The following CTNNA3 variants were observed in gnomAD, a reference collection of about 807,000 sequenced individuals.
The protein encoded by CTNNA3 is catenin alpha-3.
Under a neutral mutation model 95.7 loss-of-function variants are expected in CTNNA3, and 76 were observed. That is an observed-to-expected ratio of 0.79 (90% CI 0.66 to 0.96). The LOEUF is 0.96. Ranked by LOEUF, CTNNA3 falls within the 40% of genes least tolerant of loss-of-function variation. The probability of loss-of-function intolerance (pLI) is 0.00; values close to 1 mark genes in which losing one functional copy is unlikely to be tolerated. For missense variants in CTNNA3, 1,191 were observed against 1,089.8 expected (o/e 1.09, Z -1.31); for synonymous variants, 431 against 374.4 (o/e 1.15, Z -1.74).
chr10:67,547,209 TC>T (rs1247844001), intron 3 of CTNNA3, among the ~76,000 whole-genome samples: 1 of 151,298 alleles, frequency 6.6e-6, no homozygotes, highest in African/African-American at 2.4e-5. Flanking sequence ...CCATAGCACC[TC>T]CCCCCCAAAA....
At chr10:66,357,367 C>T (rs2092619086) in intron 12 of CTNNA3, among the ~76,000 whole-genome samples, 1 of 151,884 alleles carries the variant, frequency 6.6e-6, no homozygotes, top group Admixed American at 6.6e-5. Context: ...ATGCGAGTCA[C>T]CCTTTAAAGT....
intron 7 of CTNNA3, among the ~76,000 whole-genome samples, chr10:66,917,040 T>C (rs1846527346): frequency 6.6e-6 from 1 of 152,162 alleles, no homozygotes; most frequent in Admixed American, 6.5e-5. Context: ...ACAGCACTTA[T>C]TACTAGTTGA....
intron 8 of CTNNA3, among the ~76,000 whole-genome samples, chr10:66,769,865 C>T (rs952099955): frequency 3.3e-5 from 5 of 152,172 alleles, no homozygotes; most frequent in Admixed American, 6.6e-5. Flanking sequence ...TTCCCTGCCT[C>T]GCTTTTCATG....
chr10:66,338,487 C>G (rs2092420271), intron 12 of CTNNA3, among the ~76,000 whole-genome samples: 1 of 151,870 alleles, frequency 6.6e-6, no homozygotes, highest in African/African-American at 2.4e-5. Context: ...GGAAAGATCT[C>G]TTTTTAACAG....
chr10:67,302,062 A>G (rs1354136242), intron 5 of CTNNA3, among the ~76,000 whole-genome samples: 1 of 91,974 alleles, frequency 1.1e-5, no homozygotes, highest in African/African-American at 7.4e-5. Context: ...AAAGAAAGAA[A>G]GAAAGAAAGA....
chr10:66,368,187 T>G (rs1428279438), intron 12 of CTNNA3, among the ~76,000 whole-genome samples: 1 of 151,948 alleles, frequency 6.6e-6, no homozygotes, highest in Non-Finnish European at 1.5e-5. Flanking sequence ...GACCACATAA[T>G]TTGGATGAAT....
At chr10:66,371,751 G>A (rs999769959) in intron 12 of CTNNA3, among the ~76,000 whole-genome samples, 6 of 152,108 alleles carry the variant, frequency 3.9e-5, no homozygotes, top group African/African-American at 1.4e-4. Flanking sequence ...AAGAGTCTTA[G>A]TGTGAGGCAG....
intron 12 of CTNNA3, among the ~76,000 whole-genome samples, chr10:66,360,788 C>T (rs71492499): frequency 0.42 from 23,323 of 55,888 alleles, 5,808 homozygotes; most frequent in South Asian, 0.51. Flanking sequence ...TTTCTTTCTT[C>T]CTTCCTTCCT....
chr10:66,370,367 G>C (rs1026802453), intron 12 of CTNNA3, among the ~76,000 whole-genome samples: 6 of 152,130 alleles, frequency 3.9e-5, no homozygotes. Context: ...TCATAAATCT[G>C]ATTTTTGAGA....
rs1283553723 is a variant in CTNNA3, at chr10:65,919,702, A to G, written c.*628T>C. 3 of 152,302 alleles carry G rather than the reference A, an allele frequency of 2.0e-5. No homozygotes were observed. The highest frequency in any genetic ancestry group is 7.2e-5 in the African/African-American group (3 of 41,454). 9.4% of individuals were successfully genotyped at this position (152,302 alleles called of 1,614,324 possible). On this transcript the variant is annotated 3_prime_UTR_variant, in exon 18 of 18. Coordinates refer to ENST00000433211, the MANE Select transcript of CTNNA3 (RefSeq NM_013266.4). ...AGCATTTTATTAATAAACAAGGTTG[A>G]CCTTCAAAATCCAGCAAGTAGCCTA...
chr10:67,674,575 T>A (rs1420789297), intron 1 of CTNNA3, among the ~76,000 whole-genome samples: 3 of 152,152 alleles, frequency 2.0e-5, no homozygotes, highest in Non-Finnish European at 4.4e-5. Flanking sequence ...TAGGTTCACA[T>A]GTCCCCACCT....
chr10:66,666,063 T>C (rs1846440872), intron 9 of CTNNA3, among the ~76,000 whole-genome samples: 1 of 152,086 alleles, frequency 6.6e-6, no homozygotes, highest in Non-Finnish European at 1.5e-5. Flanking sequence ...GTCCAACACA[T>C]TGCAGGCGAG....
intron 1 of CTNNA3, among the ~76,000 whole-genome samples, chr10:67,654,248 G>T (rs1839958416): frequency 6.6e-6 from 1 of 152,268 alleles, no homozygotes; most frequent in East Asian, 1.9e-4. Flanking sequence ...AGAAAGATTG[G>T]CGAGTAGAGC....
chr10:67,577,115 T>C (rs1182224020), intron 3 of CTNNA3, among the ~76,000 whole-genome samples: 10 of 151,066 alleles, frequency 6.6e-5, no homozygotes, highest in African/African-American at 2.0e-4. Flanking sequence ...TCTAGATCCC[T>C]GAGGAATCGC....
intron 5 of CTNNA3, among the ~76,000 whole-genome samples, chr10:67,357,691 G>T (rs1384314164): frequency 6.6e-6 from 1 of 151,838 alleles, no homozygotes; most frequent in Admixed American, 6.6e-5. Flanking sequence ...TTTTATTTTT[G>T]AACAAAGTAG....
intron 10 of CTNNA3, among the ~76,000 whole-genome samples, chr10:66,595,750 C>G (rs1376001242): frequency 1.3e-5 from 2 of 152,090 alleles, no homozygotes; most frequent in South Asian, 2.1e-4. Context: ...GATCCTCCCC[C>G]CTTAGCCTCT....
chr10:66,922,889 A>G (rs1007268146), intron 7 of CTNNA3, among the ~76,000 whole-genome samples: 1 of 152,140 alleles, frequency 6.6e-6, no homozygotes, highest in African/African-American at 2.4e-5. Context: ...TAGGCATGCA[A>G]TGTGTAATAA....
At chr10:67,240,339 T>C (rs1865670594) in intron 5 of CTNNA3, among the ~76,000 whole-genome samples, 1 of 152,160 alleles carries the variant, frequency 6.6e-6, no homozygotes, top group Non-Finnish European at 1.5e-5. Context: ...TCATGTTCTA[T>C]TAGGAAACAA....
chr10:67,113,949 G>T (rs1427000748), intron 7 of CTNNA3, among the ~76,000 whole-genome samples: 2 of 152,002 alleles, frequency 1.3e-5, no homozygotes, highest in Non-Finnish European at 2.9e-5. Context: ...TGGGCATGGT[G>T]GTGCACACCT....
Sources: gnomAD v4.1 joint callset for allele counts (sites outside exome capture counted in the v4.1 genomes callset) on GRCh38, gnomAD v4.1.1 for gene constraint, MANE v1.5 for transcripts, NCBI Gene and HGNC (gene_info 2026-07-23, HGNC 2026-07-21) for gene names.